Variants in WWOX observed in about 807,000 individuals in gnomAD.
The protein encoded by WWOX is WW domain-containing oxidoreductase.
A neutral mutation model predicts 46.2 loss-of-function variants in WWOX; 69 were observed. The observed-to-expected ratio is 1.49, with a 90% CI of 1.23 to 1.82. WWOX has a LOEUF of 1.82. WWOX is among the 40% of genes most tolerant of loss of function. The probability of loss-of-function intolerance (pLI) is 0.00; values close to 1 mark genes in which losing one functional copy is unlikely to be tolerated. For synonymous variants in WWOX, 359 were observed against 202.6 expected (o/e 1.77, Z -6.56); for missense variants, 919 against 542.6 (o/e 1.69, Z -6.89).
chr16:78,352,808 A>G (rs1267017857), intron 5 of WWOX, among the ~76,000 whole-genome samples: 2 of 152,082 alleles, frequency 1.3e-5, no homozygotes, highest in African/African-American at 4.8e-5. Context: ...AATTTATTTT[A>G]TGTCCTTGGA....
At chr16:79,084,268 G>T (rs576305031) in intron 8 of WWOX, among the ~76,000 whole-genome samples, 1 of 152,136 alleles carries the variant, frequency 6.6e-6, no homozygotes, top group African/African-American at 2.4e-5. Context: ...GACTGTGCTA[G>T]AGCTGTACAA....
chr16:78,537,172 C>T (rs907522339), intron 8 of WWOX, among the ~76,000 whole-genome samples: 1 of 152,154 alleles, frequency 6.6e-6, no homozygotes, highest in East Asian at 1.9e-4. Flanking sequence ...CTGCCTCAGC[C>T]TCCCAAAGTG....
intron 8 of WWOX, among the ~76,000 whole-genome samples, chr16:79,191,096 C>A (rs1432650313): frequency 6.6e-6 from 1 of 152,112 alleles, no homozygotes. Flanking sequence ...CAGTGTCGCC[C>A]AGGCTGGAGT....
intron 5 of WWOX, among the ~76,000 whole-genome samples, chr16:78,256,018 C>T (rs1172498463): frequency 1.3e-5 from 2 of 151,718 alleles, no homozygotes; most frequent in South Asian, 2.1e-4. Flanking sequence ...GGCATGGTGG[C>T]ATGTGCCTGT....
chr16:78,777,735 A>T (rs1191856424), intron 8 of WWOX, among the ~76,000 whole-genome samples: 1 of 152,176 alleles, frequency 6.6e-6, no homozygotes, highest in Non-Finnish European at 1.5e-5. Flanking sequence ...AGATACTAGG[A>T]TAGGCACTTT....
chr16:79,199,761 C>A (rs2150826849), intron 8 of WWOX, among the ~76,000 whole-genome samples: 1 of 152,280 alleles, frequency 6.6e-6, no homozygotes, highest in Non-Finnish European at 1.5e-5. Flanking sequence ...AACCCCTTGA[C>A]AGTTCGAAGG....
intron 8 of WWOX, among the ~76,000 whole-genome samples, chr16:78,778,563 C>A (rs904046652): frequency 6.6e-6 from 1 of 152,088 alleles, no homozygotes. Flanking sequence ...CTCAGAAGAG[C>A]GACGCAATAG....
intron 5 of WWOX, among the ~76,000 whole-genome samples, chr16:78,217,772 G>A (rs941558506): frequency 6.6e-6 from 1 of 152,136 alleles, no homozygotes; most frequent in East Asian, 1.9e-4. Flanking sequence ...TGGGGGTATA[G>A]GGATAAATAA....
intron 8 of WWOX, among the ~76,000 whole-genome samples, chr16:78,803,615 G>C (rs1567571395): frequency 2.6e-5 from 4 of 151,958 alleles, no homozygotes; most frequent in Non-Finnish European, 4.4e-5. Context: ...ACCTGGACAT[G>C]TTTTTAACTT....
intron 8 of WWOX, among the ~76,000 whole-genome samples, chr16:79,112,327 C>T (rs1034668313): frequency 6.6e-6 from 1 of 152,150 alleles, no homozygotes; most frequent in African/African-American, 2.4e-5. Flanking sequence ...ACCAAACCTT[C>T]ATTCTGAATA....
intron 8 of WWOX, among the ~76,000 whole-genome samples, chr16:78,835,994 A>G (rs2051971698): frequency 6.6e-6 from 1 of 152,190 alleles, no homozygotes; most frequent in South Asian, 2.1e-4. Flanking sequence ...AAGCCTCGTT[A>G]TTCTTGTTCC....
intron 5 of WWOX, among the ~76,000 whole-genome samples, chr16:78,323,214 C>G (rs190268175): frequency 6.6e-6 from 1 of 152,122 alleles, no homozygotes; most frequent in African/African-American, 2.4e-5. Flanking sequence ...TCACGCCATT[C>G]TCCTGCCTCA....
chr16:78,370,913 A>G (rs1010840440), intron 5 of WWOX, among the ~76,000 whole-genome samples: 25 of 149,466 alleles, frequency 1.7e-4, no homozygotes, highest in African/African-American at 6.1e-4. Context: ...CAACATTTCT[A>G]AAAATTTTGT....
chr16:78,727,908 T>G (rs1281588619), intron 8 of WWOX, among the ~76,000 whole-genome samples: 1 of 152,152 alleles, frequency 6.6e-6, no homozygotes, highest in Non-Finnish European at 1.5e-5. Context: ...AAATAGCATT[T>G]GTTTATCTGG....
At chr16:78,406,703 T>C (rs1038667416) in intron 6 of WWOX, among the ~76,000 whole-genome samples, 8 of 151,434 alleles carry the variant, frequency 5.3e-5, no homozygotes, top group Admixed American at 4.0e-4. Context: ...CTCGGCTCAC[T>C]GCAACCTCCT....
At chr16:79,001,265 G>C (rs1597258905) in intron 8 of WWOX, among the ~76,000 whole-genome samples, 1 of 152,074 alleles carries the variant, frequency 6.6e-6, no homozygotes, top group African/African-American at 2.4e-5. Flanking sequence ...CCAAGACAAA[G>C]GCCTCCCCGC....
intron 8 of WWOX, chr16:78,780,369 C>G (rs986038320): frequency 2.0e-5 from 3 of 151,470 alleles, no homozygotes; most frequent in African/African-American, 7.4e-5. Context: ...TTCATTCATT[C>G]ACTGGTTAAT....
At chr16:79,108,280 C>G (rs1015818930) in intron 8 of WWOX, among the ~76,000 whole-genome samples, 3 of 152,228 alleles carry the variant, frequency 2.0e-5, no homozygotes, top group Admixed American at 2.0e-4. Context: ...TCAGCGGGGT[C>G]CTGCAGTGCC....
At chr16:79,036,823 A>G (rs1427787924) in intron 8 of WWOX, among the ~76,000 whole-genome samples, 2 of 152,224 alleles carry the variant, frequency 1.3e-5, no homozygotes, top group East Asian at 3.8e-4. Flanking sequence ...ACTGTGCTGT[A>G]GAGATGTTAG....
Sources: gnomAD v4.1 joint callset for allele counts (sites outside exome capture counted in the v4.1 genomes callset) on GRCh38, gnomAD v4.1.1 for gene constraint, MANE v1.5 for transcripts, NCBI Gene and HGNC (gene_info 2026-07-23, HGNC 2026-07-21) for gene names.